MYO5A: variants seen among roughly 807,000 people sequenced by gnomAD.
MYO5A encodes myosin VA.
Under a neutral mutation model 249.7 loss-of-function variants are expected in MYO5A, and 98 were observed. That is an observed-to-expected ratio of 0.39 (90% confidence interval 0.33 to 0.46). MYO5A has a LOEUF of 0.46. Among genes scored for constraint, MYO5A ranks in the 20% least tolerant of loss-of-function variants. MYO5A has a pLI of 0.98. For synonymous variants in MYO5A, 778 were observed against 810.6 expected (o/e 0.96, Z 0.68); for missense variants, 1,696 against 2,308.8 (o/e 0.73, Z 5.44).
chr15:52,334,351 A>C (rs1304353245), intron 34 of MYO5A, among the ~76,000 whole-genome samples: 1 of 152,198 alleles, frequency 6.6e-6, no homozygotes, highest in Non-Finnish European at 1.5e-5. Context: ...TCAAACAAAT[A>C]CTCTGCTGTC....
intron 40 of MYO5A, among the ~76,000 whole-genome samples, chr15:52,316,492 G>C (rs1371402970): frequency 6.6e-6 from 1 of 152,194 alleles, no homozygotes; most frequent in African/African-American, 2.4e-5. Flanking sequence ...CTACGGTAGA[G>C]TCAGTTGGAT....
intron 26 of MYO5A, 52 bp downstream of exon 26, chr15:52,353,819 G>A: frequency 1.2e-6 from 2 of 1,610,374 alleles, no homozygotes; most frequent in Non-Finnish European, 1.7e-6. Flanking sequence ...AGAGACTGCT[G>A]AAATGGACAT....
chr15:52,329,905 A>AATTT (rs1318096826), intron 35 of MYO5A, among the ~76,000 whole-genome samples: 2 of 119,750 alleles, frequency 1.7e-5, no homozygotes, highest in Non-Finnish European at 1.6e-5. Context: ...CGCCTGGGTA[A>AATTT]TTTTTTTTTT....
chr15:52,399,554 TC>T (rs1285386924), intron 9 of MYO5A, among the ~76,000 whole-genome samples: 1 of 152,224 alleles, frequency 6.6e-6, no homozygotes, highest in Admixed American at 6.5e-5. Flanking sequence ...GCCAGTTTTG[TC>T]CTAGCTAGCA....
chr15:52,418,212 TC>T (rs2043608980), intron 4 of MYO5A, among the ~76,000 whole-genome samples: 1 of 152,202 alleles, frequency 6.6e-6, no homozygotes, highest in East Asian at 1.9e-4. Flanking sequence ...GCCAGTCCTT[TC>T]AAGGGCCTCC....
At chr15:52,343,297 T>C (rs142112828) in intron 30 of MYO5A, 100 bp from the exon 31 acceptor site, 2 of 1,020,648 alleles carry the variant, frequency 2.0e-6, no homozygotes, top group Admixed American at 1.8e-5. Flanking sequence ...CAACATTTTA[T>C]AAGTTTGTTT....
intron 24 of MYO5A, among the ~76,000 whole-genome samples, chr15:52,361,293 T>G (rs568459064): frequency 2.0e-5 from 3 of 152,214 alleles, no homozygotes; most frequent in Non-Finnish European, 4.4e-5. Context: ...GAATGGCATT[T>G]ATTTAATAAA....
At chr15:52,370,106 G>A in intron 22 of MYO5A, 63 bp downstream of exon 22, 3 of 1,603,554 alleles carry the variant, frequency 1.9e-6, no homozygotes, top group Non-Finnish European at 2.6e-6. Context: ...CACGGACCAA[G>A]TCATGATGAC....
At chr15:52,443,317 A>G (rs1348874933) in intron 1 of MYO5A, among the ~76,000 whole-genome samples, 1 of 152,250 alleles carries the variant, frequency 6.6e-6, no homozygotes, top group Non-Finnish European at 1.5e-5. Flanking sequence ...GCTGAAGACT[A>G]AAATTTTAAT....
intron 9 of MYO5A, among the ~76,000 whole-genome samples, chr15:52,404,568 G>C (rs2042913211): frequency 6.6e-6 from 1 of 152,292 alleles, no homozygotes; most frequent in Non-Finnish European, 1.5e-5. Flanking sequence ...TCAAATCCTA[G>C]TGGGTAAAGG....
At chr15:52,476,298 G>A (rs1232006003) in intron 1 of MYO5A, among the ~76,000 whole-genome samples, 1 of 152,082 alleles carries the variant, frequency 6.6e-6, no homozygotes, top group Admixed American at 6.5e-5. Context: ...CTGCACGTGA[G>A]ATGGGTCTCC....
intron 2 of MYO5A, among the ~76,000 whole-genome samples, chr15:52,431,092 C>T (rs1472538079): frequency 6.6e-6 from 1 of 151,408 alleles, no homozygotes; most frequent in Admixed American, 6.6e-5. Context: ...ATTAGCCAGG[C>T]ATGGTGGCAT....
intron 13 of MYO5A, among the ~76,000 whole-genome samples, chr15:52,388,774 T>C (rs1395779733): frequency 2.6e-5 from 4 of 152,198 alleles, no homozygotes; most frequent in Non-Finnish European, 5.9e-5. Context: ...TGAGATCAGC[T>C]ATGCTTTAGG....
At chr15:52,412,966 G>A (rs371961918) in intron 5 of MYO5A, among the ~76,000 whole-genome samples, 1 of 151,864 alleles carries the variant, frequency 6.6e-6, no homozygotes, top group Admixed American at 6.6e-5. Context: ...TGACCAACAC[G>A]GTGAAACCCT....
intron 5 of MYO5A, chr15:52,415,891 C>A: frequency 2.0e-6 from 1 of 500,540 alleles, no homozygotes; most frequent in African/African-American, 1.9e-5. Flanking sequence ...TTAGGGGCAA[C>A]AATTTTGCTG....
At chr15:52,338,843 C>T (rs533848860) in intron 32 of MYO5A, among the ~76,000 whole-genome samples, 4 of 152,298 alleles carry the variant, frequency 2.6e-5, no homozygotes, top group African/African-American at 9.6e-5. Context: ...ATCTTTATTT[C>T]ACGATTTCAC....
At position 52,375,423 on chromosome 15, in the gene MYO5A, T is replaced by C; in HGVS notation, c.2458A>G (p.Ile820Val). 1 of 1,614,206 alleles carries C rather than the reference T, an allele frequency of 6.2e-7. No individual in the cohort carries two copies. Among genetic ancestry groups the C allele is most frequent in the Non-Finnish European group, 8.5e-7 (1 of 1,180,024 alleles). Residue 820 changes from isoleucine (I) to valine (V), a missense_variant, in exon 20 of 42, where the codon ATC becomes GTC. Physicochemically the swap from Ile to Val is conservative, Grantham distance 29. Transcript: ENST00000399233. ...TACATGCGCCAGTACTTTTGAATGATGGTTGCTGCCTTGGTTCTGCGCAGA... is the reference window on the plus strand; with the variant it reads ...TACATGCGCCAGTACTTTTGAATGACGGTTGCTGCCTTGGTTCTGCGCAGA... Reference protein sequence around the residue: ...KFLRRTKAATIIQKYWRMYVV... With the variant: ...KFLRRTKAATVIQKYWRMYVV...
chr15:52,507,737 G>C (rs562962687), intron 1 of MYO5A, among the ~76,000 whole-genome samples: 1 of 146,838 alleles, frequency 6.8e-6, no homozygotes, highest in East Asian at 2.0e-4. Flanking sequence ...CTGAGAGGTC[G>C]AGGCTGCAGT....
intron 40 of MYO5A, among the ~76,000 whole-genome samples, chr15:52,316,436 C>T (rs1190284448): frequency 6.6e-6 from 1 of 152,076 alleles, no homozygotes; most frequent in Non-Finnish European, 1.5e-5. Context: ...GCTATCTTCC[C>T]TCAGTACTTC....
Sources: allele counts gnomAD v4.1 joint callset (sites outside exome capture counted in the v4.1 genomes callset), GRCh38; gene constraint gnomAD v4.1.1; transcripts MANE v1.5; gene names NCBI Gene and HGNC (gene_info 2026-07-23, HGNC 2026-07-21).